CADM2: variants seen among roughly 807,000 people sequenced by gnomAD.
CADM2 encodes immunoglobulin superfamily member 4D.
A neutral mutation model predicts 49.8 loss-of-function variants in CADM2; 12 were observed. That is an observed-to-expected ratio of 0.24 (90% confidence interval 0.15 to 0.39). The LOEUF (loss-of-function observed/expected upper bound fraction) is 0.39. CADM2 is among the 10% of genes least tolerant of loss of function. CADM2 has a pLI of 1.00. For synonymous variants in CADM2, 214 were observed against 175.4 expected, an observed-to-expected ratio of 1.22 and a Z score of -1.74; for missense variants, 378 against 492.3, an observed-to-expected ratio of 0.77 and a Z score of 2.20.
chr3:85,448,834 AG>A (rs1359940757), intron 1 of CADM2, among the ~76,000 whole-genome samples: 3 of 151,834 alleles, frequency 2.0e-5, no homozygotes, highest in African/African-American at 7.3e-5. Flanking sequence ...GTGGATCACG[AG>A]GTCAGGAGAT....
chr3:85,488,680 C>T (rs2039534343), intron 1 of CADM2, among the ~76,000 whole-genome samples: 1 of 151,998 alleles, frequency 6.6e-6, no homozygotes, highest in Non-Finnish European at 1.5e-5. Flanking sequence ...TAGAGGCACT[C>T]ACCACCACGC....
At chr3:85,266,606 A>G (rs2043125755) in intron 1 of CADM2, among the ~76,000 whole-genome samples, 2 of 151,932 alleles carry the variant, frequency 1.3e-5, no homozygotes, top group African/African-American at 4.8e-5. Context: ...ACTAGAGTCA[A>G]GACGGTAAGG....
At chr3:85,906,767 G>A (rs569260602) in intron 5 of CADM2, among the ~76,000 whole-genome samples, 10 of 152,284 alleles carry the variant, frequency 6.6e-5, no homozygotes, top group African/African-American at 2.4e-4. Flanking sequence ...TAGCCACTAT[G>A]TTTGGTCTAG....
At chr3:85,112,799 T>G (rs903193959) in intron 1 of CADM2, among the ~76,000 whole-genome samples, 8 of 151,724 alleles carry the variant, frequency 5.3e-5, no homozygotes, top group Non-Finnish European at 1.5e-5. Flanking sequence ...ATGTCCCCTT[T>G]TGTAGATTTG....
Position 85,687,881 on chromosome 3 carries a change from C to T in CADM2, c.62-38641C>T, listed in dbSNP as rs139643934. Among the ~76,000 whole-genome samples, 410 of 152,286 alleles carry T rather than the reference C, an allele frequency of 2.7e-3. 4 individuals are homozygous for T. The highest frequency in any genetic ancestry group is 9.4e-3 in the African/African-American group (391 of 41,566). On this transcript the variant is annotated intron_variant, in intron 1 of 9. Coordinates refer to ENST00000383699, the MANE Select transcript of CADM2 (RefSeq NM_001167675.2). ...GTACAGCAGGAGGTGAGCGGGCGAG[C>T]GAGCATTACTGCCTGAGCTCCACCT...
chr3:84,989,668 T>C (rs1467307035), intron 1 of CADM2, among the ~76,000 whole-genome samples: 1 of 152,090 alleles, frequency 6.6e-6, no homozygotes, highest in Non-Finnish European at 1.5e-5. Context: ...CTGAGCTGCT[T>C]CTCACTAAAT....
chr3:85,362,911 G>A (rs1381469763), intron 1 of CADM2, among the ~76,000 whole-genome samples: 1 of 152,040 alleles, frequency 6.6e-6, no homozygotes, highest in Admixed American at 6.5e-5. Context: ...AAACACTTAC[G>A]AATGTAAGTT....
At chr3:86,023,867 T>A (rs1274836764) in intron 8 of CADM2, among the ~76,000 whole-genome samples, 2 of 152,150 alleles carry the variant, frequency 1.3e-5, no homozygotes, top group African/African-American at 4.8e-5. Flanking sequence ...CATGGATCAG[T>A]ATTAAGAAAA....
At chr3:86,041,954 T>C (rs1735999110) in intron 8 of CADM2, among the ~76,000 whole-genome samples, 2 of 152,158 alleles carry the variant, frequency 1.3e-5, no homozygotes, top group African/African-American at 4.8e-5. Context: ...ACGTGGAAGC[T>C]GAACAACCTG....
intron 1 of CADM2, among the ~76,000 whole-genome samples, chr3:85,188,396 G>A (rs1361705132): frequency 6.6e-6 from 1 of 151,970 alleles, no homozygotes; most frequent in Non-Finnish European, 1.5e-5. Context: ...TCCCATGTAG[G>A]TACTCAAAAA....
intron 1 of CADM2, among the ~76,000 whole-genome samples, chr3:85,572,909 C>G (rs1249436221): frequency 6.6e-6 from 1 of 152,082 alleles, no homozygotes; most frequent in African/African-American, 2.4e-5. Flanking sequence ...ACAGACACAC[C>G]CCAAAGTAAT....
chr3:85,341,345 T>G (rs893203970), intron 1 of CADM2, among the ~76,000 whole-genome samples: 3 of 151,900 alleles, frequency 2.0e-5, no homozygotes, highest in African/African-American at 7.2e-5. Flanking sequence ...TAAAAATTCA[T>G]GAAAATAGAA....
At chr3:85,301,942 A>G (rs1160046055) in intron 1 of CADM2, among the ~76,000 whole-genome samples, 1 of 152,042 alleles carries the variant, frequency 6.6e-6, no homozygotes, top group African/African-American at 2.4e-5. Flanking sequence ...ATTTTTTTGT[A>G]TGCGTAGCTT....
At chr3:85,484,390 C>T (rs972405447) in intron 1 of CADM2, among the ~76,000 whole-genome samples, 1 of 151,862 alleles carries the variant, frequency 6.6e-6, no homozygotes, top group Non-Finnish European at 1.5e-5. Flanking sequence ...ATTATGTAAA[C>T]CTTTAACAGT....
chr3:85,590,101 G>A (rs925162734), intron 1 of CADM2, among the ~76,000 whole-genome samples: 4 of 151,932 alleles, frequency 2.6e-5, no homozygotes, highest in Non-Finnish European at 4.4e-5. Context: ...CAGCTTGCTG[G>A]TCATGGATAG....
chr3:85,137,623 G>T (rs943166480), intron 1 of CADM2, among the ~76,000 whole-genome samples: 2 of 151,998 alleles, frequency 1.3e-5, no homozygotes, highest in Non-Finnish European at 2.9e-5. Flanking sequence ...AACTTTCTGA[G>T]TTTCCAGTGT....
intron 1 of CADM2, among the ~76,000 whole-genome samples, chr3:85,649,857 T>A (rs2064993122): frequency 1.3e-5 from 2 of 152,200 alleles, no homozygotes; most frequent in Admixed American, 1.3e-4. Flanking sequence ...GAAGAGGTTG[T>A]ATCACATTAT....
At chr3:85,897,273 T>G (rs1281527909) in intron 5 of CADM2, among the ~76,000 whole-genome samples, 5 of 100,628 alleles carry the variant, frequency 5.0e-5, no homozygotes, top group Non-Finnish European at 7.3e-5. Context: ...TTTTTTTTTT[T>G]TTTTTTTGAG....
At chr3:85,504,282 G>A (rs1196840969) in intron 1 of CADM2, among the ~76,000 whole-genome samples, 1 of 151,954 alleles carries the variant, frequency 6.6e-6, no homozygotes. Flanking sequence ...CGGTGGGCTC[G>A]TGGTCTCGCT....
Sources: gnomAD v4.1 joint callset for allele counts (sites outside exome capture counted in the v4.1 genomes callset) on GRCh38, gnomAD v4.1.1 for gene constraint, MANE v1.5 for transcripts, NCBI Gene and HGNC (gene_info 2026-07-23, HGNC 2026-07-21) for gene names.